PRKN: variants seen among roughly 807,000 people sequenced by gnomAD.
PRKN encodes parkin RBR E3 ubiquitin protein ligase, also known as E3 ubiquitin-protein ligase parkin.
PRKN carries 56 observed loss-of-function variants against 59.5 expected under a neutral mutation model. That is an observed-to-expected ratio of 0.94 (90% CI 0.76 to 1.18). The LOEUF (loss-of-function observed/expected upper bound fraction) is 1.18, where lower values mean the gene tolerates loss of function less well. Ranked by LOEUF, PRKN falls within the 50% of genes most tolerant of loss-of-function variation. The pLI is 0.00. For synonymous variants in PRKN, 250 were observed against 222.1 expected, an observed-to-expected ratio of 1.13 and a Z score of -1.12; for missense variants, 657 against 596.4, an observed-to-expected ratio of 1.10 and a Z score of -1.06.
intron 5 of PRKN, among the ~76,000 whole-genome samples, chr6:162,008,325 G>A (rs1000938704): frequency 7.9e-5 from 12 of 152,186 alleles, no homozygotes; most frequent in Admixed American, 4.6e-4. Context: ...CACCTGCTTC[G>A]TGCCCCGGGG....
chr6:162,494,102 C>T (rs539759005), intron 1 of PRKN, among the ~76,000 whole-genome samples: 7 of 152,346 alleles, frequency 4.6e-5, no homozygotes, highest in Admixed American at 2.6e-4. Context: ...GTCTGGACTA[C>T]ATTTCCCAGA....
intron 9 of PRKN, among the ~76,000 whole-genome samples, chr6:161,415,007 CACCTGGTTCTTA>C (rs1477344745): frequency 1.3e-5 from 2 of 152,190 alleles, no homozygotes; most frequent in Non-Finnish European, 2.9e-5. Context: ...TGCGGAGCGT[CACCTGGTTCTTA>C]CCCACGACTT....
chr6:161,973,640 G>A (rs764294839), intron 5 of PRKN, among the ~76,000 whole-genome samples: 1 of 152,118 alleles, frequency 6.6e-6, no homozygotes. Flanking sequence ...CTATTCTTTT[G>A]CTCTTTAAGC....
chr6:161,594,412 C>A (rs1332689413), intron 7 of PRKN, among the ~76,000 whole-genome samples: 1 of 152,108 alleles, frequency 6.6e-6, no homozygotes, highest in African/African-American at 2.4e-5. Flanking sequence ...ATCAAGAAAC[C>A]CAAAGGCAAA....
chr6:161,910,326 C>A (rs1191402551), intron 6 of PRKN, among the ~76,000 whole-genome samples: 2 of 152,148 alleles, frequency 1.3e-5, no homozygotes, highest in Non-Finnish European at 2.9e-5. Context: ...ACAATCTCGA[C>A]TCACCACAAC....
Position 162,398,394 on chromosome 6 carries a change from T to C in PRKN, c.171+44916A>G, listed in dbSNP as rs529487619. 9.5e-4 allele frequency among the ~76,000 whole-genome samples: 92 copies of C among 96,830 alleles called. 1 individual carries two copies. Among genetic ancestry groups the C allele is most frequent in the Non-Finnish European group, 5.6e-4 (30 of 53,630 alleles). The allele number at this position is 96,830 out of a possible 152,430, so 63.5% of individuals were successfully genotyped here. A position where few individuals can be genotyped will look rare whatever the true frequency, so the allele number is the denominator to read the frequency against. ...AACTTCAGCCAGATCTTTCTCTTTT[T>C]GTTTTTTTTTTTTGAGACAGAGTTT... On this transcript the variant is annotated intron_variant, in intron 2 of 11. Transcript: ENST00000366898.
At chr6:162,652,611 T>C (rs1778487335) in intron 1 of PRKN, among the ~76,000 whole-genome samples, 1 of 152,088 alleles carries the variant, frequency 6.6e-6, no homozygotes, top group Admixed American at 6.5e-5. Flanking sequence ...AGATTGCTTA[T>C]TATTTATGGT....
rs34916695 is a variant in PRKN at position 162,331,166 on chromosome 6, TAA to T, written c.172-68403_172-68402del. Among the ~76,000 whole-genome samples, 423 of 141,430 alleles carry T rather than the reference TAA, an allele frequency of 3.0e-3. 2 individuals are homozygous for T. The highest frequency in any genetic ancestry group is 9.1e-3 in the South Asian group (40 of 4,396). 92.8% of individuals were successfully genotyped at this position (141,430 alleles called of 152,430 possible). On this transcript the variant is annotated intron_variant, in intron 2 of 11. Coordinates refer to ENST00000366898, the MANE Select transcript of PRKN (RefSeq NM_004562.3). ...CAACGTGGTGAAACCCCATCTCTATTAAAAAAAAAAAAAAAATGCCAGGAGAA... is the reference window on the plus strand; with the variant it reads ...CAACGTGGTGAAACCCCATCTCTATTAAAAAAAAAAAAAATGCCAGGAGAA...
intron 1 of PRKN, among the ~76,000 whole-genome samples, chr6:162,493,407 A>G (rs1792909885): frequency 6.6e-6 from 1 of 152,210 alleles, no homozygotes; most frequent in Non-Finnish European, 1.5e-5. Flanking sequence ...AATGAAAATC[A>G]GGCAGCAATG....
intron 5 of PRKN, among the ~76,000 whole-genome samples, chr6:162,035,216 C>T (rs1276415622): frequency 2.0e-5 from 3 of 152,074 alleles, no homozygotes; most frequent in Non-Finnish European, 4.4e-5. Context: ...TCAGTTCTTG[C>T]AAGAACTCAT....
chr6:161,441,646 TAAAAAAA>T (rs549048343), intron 9 of PRKN, among the ~76,000 whole-genome samples: 2 of 97,538 alleles, frequency 2.1e-5, no homozygotes, highest in Admixed American at 1.2e-4. Flanking sequence ...CTCTGTCTCT[TAAAAAAA>T]AAAAAAAAAA....
intron 7 of PRKN, among the ~76,000 whole-genome samples, chr6:161,720,979 C>T (rs1428522074): frequency 6.6e-6 from 1 of 152,120 alleles, no homozygotes; most frequent in Non-Finnish European, 1.5e-5. Context: ...AGCTTTTGGA[C>T]TTAGGCTGGA....
At chr6:162,115,857 T>C (rs917087362) in intron 4 of PRKN, among the ~76,000 whole-genome samples, 11 of 152,184 alleles carry the variant, frequency 7.2e-5, no homozygotes, top group African/African-American at 2.7e-4. Context: ...CATACATCAA[T>C]AGCACTAGCT....
chr6:162,694,299 G>A (rs1279962298), intron 1 of PRKN, among the ~76,000 whole-genome samples: 1 of 150,226 alleles, frequency 6.7e-6, no homozygotes, highest in Non-Finnish European at 1.5e-5. Context: ...GTCAATAGCA[G>A]CAATCAGTAG....
intron 1 of PRKN, among the ~76,000 whole-genome samples, chr6:162,527,799 A>G (rs1778349204): frequency 6.6e-6 from 1 of 152,100 alleles, no homozygotes; most frequent in Non-Finnish European, 1.5e-5. Flanking sequence ...GGCGCTTTAC[A>G]TACAGTCGCT....
chr6:162,414,266 A>C (rs2128156157), intron 2 of PRKN, among the ~76,000 whole-genome samples: 1 of 152,212 alleles, frequency 6.6e-6, no homozygotes, highest in East Asian at 1.9e-4. Context: ...AATACAAACA[A>C]AACTTTAAAA....
intron 7 of PRKN, among the ~76,000 whole-genome samples, chr6:161,627,607 C>T (rs1284527187): frequency 2.0e-5 from 3 of 152,196 alleles, no homozygotes; most frequent in African/African-American, 4.8e-5. Context: ...GGGTGGAACC[C>T]ACACCAAAAG....
At chr6:162,252,793 T>A (rs904732820) in intron 3 of PRKN, among the ~76,000 whole-genome samples, 1 of 152,280 alleles carries the variant, frequency 6.6e-6, no homozygotes, top group Non-Finnish European at 1.5e-5. Flanking sequence ...TATTTTGTCA[T>A]AGCAGCCCAA....
intron 1 of PRKN, among the ~76,000 whole-genome samples, chr6:162,530,926 G>A (rs535237398): frequency 1.3e-5 from 2 of 151,758 alleles, no homozygotes; most frequent in African/African-American, 4.8e-5. Flanking sequence ...GCATGGCCGC[G>A]TGTGCCTGTG....
Sources: allele counts gnomAD v4.1 joint callset (sites outside exome capture counted in the v4.1 genomes callset), GRCh38; gene constraint gnomAD v4.1.1; transcripts MANE v1.5; gene names NCBI Gene and HGNC (gene_info 2026-07-23, HGNC 2026-07-21).